Variants in NEB observed in about 807,000 individuals in gnomAD.
NEB encodes nemaline myopathy type 2.
A neutral mutation model predicts 952.2 loss-of-function variants in NEB; 512 were observed. The observed-to-expected ratio is 0.54, with a 90% CI of 0.50 to 0.58. The LOEUF (loss-of-function observed/expected upper bound fraction) is 0.58, where lower values mean the gene tolerates loss of function less well. Among genes scored for constraint, NEB ranks in the 20% least tolerant of loss-of-function variants. NEB has a pLI of 0.00. For synonymous variants in NEB, 2,900 were observed against 3,149.8 expected, an observed-to-expected ratio of 0.92 and a Z score of 2.66; for missense variants, 8,428 against 9,231.1, an observed-to-expected ratio of 0.91 and a Z score of 3.56.
Position 151,640,608 on chromosome 2 carries a change from A to G in NEB, c.8432T>C (p.Ile2811Thr), listed in dbSNP as rs891039867. 1.2e-6 allele frequency: 2 copies of G among 1,613,958 alleles called. No individual in the cohort carries two copies. Among genetic ancestry groups the G allele is most frequent in the African/African-American group, 2.7e-5 (2 of 75,044 alleles). ...QLGHHIGARA[I>T]RDDPKMMWSM... ...CCACATCATCTTGGGGTCATCACGT[A>G]TAGCTCGGGCACCAATGTGGTGGCC... The change falls in exon 61 of 182, where the codon ATA (isoleucine) becomes ACA (threonine). Residue 2811 changes from isoleucine (I) to threonine (T), a missense_variant. By Grantham distance (89) the Ile-to-Thr change is moderately conservative. Coordinates refer to ENST00000397345, the MANE Select transcript of NEB (RefSeq NM_001164508.2).
At position 151,692,130 on chromosome 2, in the gene NEB, C is replaced by T; in HGVS notation, c.2035G>A (p.Gly679Arg). ...TCCTCCATGCTGCCTACATAATGTCCCAAAACATCCTTTACATATAAGTCT... is the reference window on the plus strand; with the variant it reads ...TCCTCCATGCTGCCTACATAATGTCTCAAAACATCCTTTACATATAAGTCT... ...YKDLYVKDVLGHYVGSMEDPY... is the reference protein window; with the variant it reads ...YKDLYVKDVLRHYVGSMEDPY... The change falls in exon 22 of 182, where the codon GGA becomes AGA. Residue 679 changes from glycine (G) to arginine (R), a missense_variant. Around this residue, in one of 11 missense-constraint regions of NEB, gnomAD observed 2,851 missense variants for 2,791.5 expected, o/e 1.02. Coordinates refer to ENST00000397345, the MANE Select transcript of NEB (RefSeq NM_001164508.2). 6.2e-7 allele frequency: 1 copy of T among 1,613,838 alleles called. No individual in the cohort carries two copies. Among genetic ancestry groups the T allele is most frequent in the Non-Finnish European group, 8.5e-7 (1 of 1,179,828 alleles).
chr2:151,697,076 C>G (rs769852781), intron 16 of NEB, 72 bp downstream of exon 16: 1 of 1,162,698 alleles, frequency 8.6e-7, no homozygotes, highest in South Asian at 1.5e-5. Context: ...AAAGTGGCAA[C>G]ATTTTAAACA....
Position 151,663,587 on chromosome 2 carries a change from G to A in NEB, c.5724C>T (p.Ser1908=), listed in dbSNP as rs370965998. The change falls in exon 45 of 182, where the codon AGC becomes AGT. Residue 1908 remains serine, a synonymous_variant. Transcript: ENST00000397345. ...HTYNMLPDAM[S]FELAKNMMQI... is the part of the protein sequence containing the mutation. The stretch of plus-strand genomic sequence containing the variant: ...GCATCATATTTTTGGCCAATTCAAA[G>A]CTCATGGCATCAGGAAGCATGTTGT... 229 of 1,612,730 alleles carry A rather than the reference G, an allele frequency of 1.4e-4. No individual in the cohort carries two copies. Among genetic ancestry groups the A allele is most frequent in the Admixed American group, 7.3e-4 (44 of 59,978 alleles).
intron 168 of NEB, 125 bp downstream of exon 168, chr2:151,501,266 C>T: frequency 1.7e-6 from 1 of 603,176 alleles, no homozygotes; most frequent in Non-Finnish European, 2.9e-6. Flanking sequence ...CAGAAGGATT[C>T]AGTTGATGTG....
chr2:151,724,479 A>G, intron 7 of NEB, 115 bp from the exon 8 acceptor site: 1 of 750,916 alleles, frequency 1.3e-6, no homozygotes, highest in South Asian at 1.5e-5. Flanking sequence ...CCAATGGGTT[A>G]CTAGGAAAAC....
At chr2:151,621,807 A>T (rs1190927364) in intron 71 of NEB, among the ~76,000 whole-genome samples, 1 of 152,212 alleles carries the variant, frequency 6.6e-6, no homozygotes, top group African/African-American at 2.4e-5. Context: ...CTTAACGAAA[A>T]ATTTTAAGTA....
At chr2:151,494,950 C>G (rs547341741) in intron 173 of NEB, 1 of 153,040 alleles carries the variant, frequency 6.5e-6, no homozygotes, top group Admixed American at 6.5e-5. Context: ...ACCTGGCCCA[C>G]AGCAGCTGTT....
chr2:151,726,615 G>A (rs1175053562), intron 5 of NEB, among the ~76,000 whole-genome samples: 1 of 152,134 alleles, frequency 6.6e-6, no homozygotes, highest in African/African-American at 2.4e-5. Flanking sequence ...GAATCTGTCT[G>A]AATCAGTCAG....
chr2:151,671,512 G>GTTGTTTATCTTAAAGCATTTTTTTTC, intron 37 of NEB: 1 of 331,946 alleles, frequency 3.0e-6, no homozygotes, highest in East Asian at 5.7e-5. Context: ...TTCTATAATG[G>GTTGTTTATCTTAAAGCATTTTTTTTC]TTGTTTATCT....
rs766690354 is a variant in NEB at position 151,617,458 on chromosome 2, G to A, written c.11087C>T (p.Thr3696Ile). ...NALNMNKRLY[T>I]EAWDNDKKTI... ...TTTCTTGTCATTGTCCCAGGCTTCA[G>A]TATATAAGCGCTACAAAAAAAAAAA... The change falls in exon 75 of 182, where the codon ACT becomes ATT. Residue 3696 changes from threonine (T) to isoleucine (I), a missense_variant. Transcript: ENST00000397345. The A allele has an allele frequency of 1.3e-5, 16 of 1,273,432 alleles. No homozygotes were observed. Among genetic ancestry groups the A allele is most frequent in the South Asian group, 4.2e-5 (3 of 71,730 alleles). The allele number at this position is 1,273,432 out of a possible 1,614,324, so 78.9% of individuals were successfully genotyped here.
At chr2:151,623,602 T>C (rs1234276163) in intron 71 of NEB, among the ~76,000 whole-genome samples, 2 of 152,154 alleles carry the variant, frequency 1.3e-5, no homozygotes, top group African/African-American at 4.8e-5. Context: ...ATTATGTTTA[T>C]AAAGTGGATT....
At chr2:151,633,544 T>C in intron 65 of NEB, 110 bp downstream of exon 65, 2 of 1,385,500 alleles carry the variant, frequency 1.4e-6, no homozygotes, top group African/African-American at 1.5e-5. Context: ...TTAAATCTTA[T>C]TCATGGACCA....
chr2:151,627,979 A>G, intron 68 of NEB, 145 bp from the exon 69 acceptor site: 1 of 1,156,330 alleles, frequency 8.6e-7, no homozygotes, highest in Non-Finnish European at 1.2e-6. Flanking sequence ...CTCATCCTAA[A>G]TTCTTATTAG....
intron 47 of NEB, 123 bp downstream of exon 47, chr2:151,658,942 G>A (rs2099116257): frequency 2.4e-6 from 2 of 839,228 alleles, no homozygotes; most frequent in African/African-American, 1.7e-5. Flanking sequence ...AGTCTCATGT[G>A]TGGATTTCCA....
intron 52 of NEB, among the ~76,000 whole-genome samples, chr2:151,651,359 G>T (rs578185837): frequency 6.6e-6 from 1 of 152,318 alleles, no homozygotes; most frequent in South Asian, 2.1e-4. Context: ...TTATGGAAAT[G>T]ATAATCCTTA....
chr2:151,652,742 T>C (rs1444702590), intron 52 of NEB, among the ~76,000 whole-genome samples: 1 of 152,182 alleles, frequency 6.6e-6, no homozygotes, highest in Admixed American at 6.5e-5. Context: ...TCTATAATAG[T>C]GGGAAAGTTC....
chr2:151,488,432 A>C (rs1477525783), intron 181 of NEB, among the ~76,000 whole-genome samples: 1 of 149,726 alleles, frequency 6.7e-6, no homozygotes, highest in East Asian at 2.0e-4. Context: ...AGAGGGCTTG[A>C]GCCTAGGGGT....
intron 60 of NEB, 128 bp downstream of exon 60, chr2:151,642,446 T>C (rs1488666801): frequency 6.6e-6 from 5 of 759,426 alleles, no homozygotes; most frequent in South Asian, 2.0e-5. Flanking sequence ...TTTTAAACCA[T>C]TCATCGAAAC....
chr2:151,656,063 T>C, intron 49 of NEB, 40 bp from the exon 50 acceptor site: 1 of 1,599,534 alleles, frequency 6.3e-7, no homozygotes, highest in Non-Finnish European at 8.6e-7. Flanking sequence ...ATCTTATCCA[T>C]TTAGACACAA....
Sources: allele counts gnomAD v4.1 joint callset (sites outside exome capture counted in the v4.1 genomes callset), GRCh38; gene constraint gnomAD v4.1.1; regional missense constraint gnomAD v4.1.1; transcripts MANE v1.5; gene names NCBI Gene and HGNC (gene_info 2026-07-23, HGNC 2026-07-21).